Variants in POFUT2 observed in about 807,000 individuals in gnomAD.
POFUT2 encodes the protein protein O-fucosyltransferase 2.
POFUT2 carries 30 observed loss-of-function variants against 55.0 expected under a neutral mutation model. The ratio of observed to expected loss-of-function variants is 0.55; its 90% confidence interval spans 0.41 to 0.74. POFUT2 has a LOEUF of 0.74. Ranked by LOEUF, POFUT2 falls within the 30% of genes least tolerant of loss-of-function variation. The pLI is 0.00. For missense variants in POFUT2, 524 were observed against 562.6 expected, an observed-to-expected ratio of 0.93 and a Z score of 0.69; for synonymous variants, 267 against 231.1, an observed-to-expected ratio of 1.16 and a Z score of -1.41.
rs1471904394 is a variant in POFUT2, at chr21:45,285,697, C to T, written c.363G>A (p.Glu121=). 1.2e-6 allele frequency: 2 copies of T among 1,613,810 alleles called. No homozygotes were observed. The highest frequency in any genetic ancestry group is 1.7e-6 in the Non-Finnish European group (2 of 1,180,022). ...CCTCACCTGCGATGAACTGCTCATACTCGATGACGGGGATGTTTTTATTGA... is the reference window on the plus strand; with the variant it reads ...CCTCACCTGCGATGAACTGCTCATATTCGATGACGGGGATGTTTTTATTGA... ...PSLNKNIPVI[E]YEQFIAESGG... is the part of the protein sequence containing the mutation. Residue 121 remains glutamate, a synonymous_variant, in exon 2 of 9, where the codon GAG becomes GAA. Coordinates refer to ENST00000349485, the MANE Select transcript of POFUT2 (RefSeq NM_133635.6). This position sits in a 1 kb window ranked among gnomAD's most constrained non-coding sequence, Gnocchi z 4.9.
rs1357441610 is a variant in POFUT2 at position 45,270,088 on chromosome 21, G to A, written c.832-69C>T. ...TCGGGGCTCATCCTGGGCACCGGGT[G>A]GGACTCGAGACGCAGAGGGATGACC... On this transcript the variant is annotated intron_variant, in intron 6 of 8. Transcript: ENST00000349485. This position sits in a 1 kb window ranked among gnomAD's most constrained non-coding sequence, Gnocchi z 4.6. 1.5e-6 allele frequency: 2 copies of A among 1,317,558 alleles called. No individual in the cohort carries two copies. The highest frequency in any genetic ancestry group is 5.5e-5 in the Admixed American group (2 of 36,664). The allele number at this position is 1,317,558 out of a possible 1,614,324, so 81.6% of individuals were successfully genotyped here.
Position 45,276,896 on chromosome 21 carries a change from C to G in POFUT2, c.831+121G>C, listed in dbSNP as rs937063615. ...TGTGACTCACATTCCAGAGAGGCGCCGAGGCATCCACGCCCACAGACACGC... is the reference window on the plus strand; with the variant it reads ...TGTGACTCACATTCCAGAGAGGCGCGGAGGCATCCACGCCCACAGACACGC... On this transcript the variant is annotated intron_variant, in intron 6 of 8. Coordinates refer to ENST00000349485, the MANE Select transcript of POFUT2 (RefSeq NM_133635.6). 1.5e-5 allele frequency: 16 copies of G among 1,087,598 alleles called. No homozygotes were observed. The African/African-American group carries it at 2.5e-4, about 17-fold the overall frequency. The allele number at this position is 1,087,598 out of a possible 1,614,324, so 67.4% of individuals were successfully genotyped here.
At position 45,264,284 on chromosome 21, in the gene POFUT2, C is replaced by T. The variant is rs907621274; in HGVS notation, c.*1198G>A. The T allele has an allele frequency of 6.6e-6, 1 of 152,208 alleles. No homozygotes were observed. Among genetic ancestry groups the T allele is most frequent in the African/African-American group, 2.4e-5 (1 of 41,446 alleles). 9.4% of individuals were successfully genotyped at this position (152,208 alleles called of 1,614,324 possible). A position where few individuals can be genotyped will look rare whatever the true frequency, so the allele number is the denominator to read the frequency against. On this transcript the variant is annotated 3_prime_UTR_variant, in exon 9 of 9. Transcript: ENST00000349485. ...CTAGCAGATGTGGAAAGTGGCTGCT[C>T]AGTGAGGACTCAGCCCCCACCAACC...
At position 45,265,660 on chromosome 21, in the gene POFUT2, GAGTCAGGGA is replaced by G; in HGVS notation, c.1137-34_1137-26del. Reference sequence around the variant, plus strand: ...CCTGCAAAGGATCACAGAGGTTCCAGAGTCAGGGAGAACTGGCGTCACAGAGGTTCCAGA... The same window carrying G: ...CCTGCAAAGGATCACAGAGGTTCCAGGAACTGGCGTCACAGAGGTTCCAGA... On this transcript the variant is annotated intron_variant, in intron 8 of 8. Coordinates refer to ENST00000349485, the MANE Select transcript of POFUT2 (RefSeq NM_133635.6). The surrounding 1 kb of genome is among the most constrained non-coding windows in gnomAD (Gnocchi z 4.6). 5.1e-6 allele frequency: 4 copies of G among 782,864 alleles called. No homozygotes were observed. The highest frequency in any genetic ancestry group is 6.8e-6 in the Non-Finnish European group (4 of 586,216). 48.5% of individuals were successfully genotyped at this position (782,864 alleles called of 1,614,324 possible).
rs575442832 is a variant in POFUT2 at position 45,276,304 on chromosome 21, A to G, written c.831+713T>C. On this transcript the variant is annotated intron_variant, in intron 6 of 8. Coordinates refer to ENST00000349485, the MANE Select transcript of POFUT2 (RefSeq NM_133635.6). Reference sequence around the variant, plus strand: ...ATAAAAATGAAAAAAAATCTTCTATATTTTTTCCCCAGTAAAAACTGTCCA... The same window carrying G: ...ATAAAAATGAAAAAAAATCTTCTATGTTTTTTCCCCAGTAAAAACTGTCCA... Among the ~76,000 whole-genome samples, 3 of 152,140 alleles carry G rather than the reference A, an allele frequency of 2.0e-5. No individual in the cohort carries two copies. In the South Asian group the frequency reaches 6.2e-4, roughly 32 times the overall value.
At chr21:45,266,030 G>T in intron 8 of POFUT2, 1 of 1,222,268 alleles carries the variant, frequency 8.2e-7, no homozygotes, top group Non-Finnish European at 1.0e-6. Flanking sequence ...ACCACACACT[G>T]TCTAGCCAGG....
intron 1 of POFUT2, among the ~76,000 whole-genome samples, chr21:45,287,070 C>T (rs1163203533): frequency 6.6e-6 from 1 of 151,988 alleles, no homozygotes; most frequent in Non-Finnish European, 1.5e-5. Context: ...GCGCCCCGGG[C>T]CTCGCAGACG....
chr21:45,285,565 G>T lies in POFUT2; in HGVS notation c.382+113C>A. 7.6e-7 allele frequency: 1 copy of T among 1,312,470 alleles called. No individual in the cohort carries two copies. The highest frequency in any genetic ancestry group is 2.4e-5 in the East Asian group (1 of 42,314). 81.3% of individuals were successfully genotyped at this position (1,312,470 alleles called of 1,614,324 possible). On this transcript the variant is annotated intron_variant, in intron 2 of 8. Coordinates refer to ENST00000349485, the MANE Select transcript of POFUT2 (RefSeq NM_133635.6). This position sits in a 1 kb window ranked among gnomAD's most constrained non-coding sequence, Gnocchi z 4.9. ...TCAGGCAGCAGCACTGGGCACTGGA[G>T]GATGCTGGTGAGGCTGGATGCAATC...
Position 45,285,517 on chromosome 21 carries a change from C to T in POFUT2, c.382+161G>A, listed in dbSNP as rs768883463. 2.5e-5 allele frequency: 20 copies of T among 801,218 alleles called. No homozygotes were observed. The highest frequency in any genetic ancestry group is 8.5e-5 in the African/African-American group (5 of 59,156). The allele number at this position is 801,218 out of a possible 1,614,324, so 49.6% of individuals were successfully genotyped here. On this transcript the variant is annotated intron_variant, in intron 2 of 8. Transcript: ENST00000349485. This position sits in a 1 kb window ranked among gnomAD's most constrained non-coding sequence, Gnocchi z 4.9. ...GTGGGAAAGGGACTGTGCTCCTGAA[C>T]GGAGGAGGTGCTGCCACAGGCCTCA...
At chr21:45,287,210 C>CCCCTGCCCCTGT (rs2031520619) in intron 1 of POFUT2, among the ~76,000 whole-genome samples, 1 of 131,630 alleles carries the variant, frequency 7.6e-6, no homozygotes, top group South Asian at 2.7e-4. Flanking sequence ...CCTGCCCCTG[C>CCCCTGCCCCTGT]CCCTGCCCCT....
In POFUT2 at chr21:45,277,132, C is replaced by CG; in HGVS notation, c.715_716insC (p.Ser239ThrfsTer102). The CG allele has an allele frequency of 6.2e-7, 1 of 1,613,544 alleles. No homozygotes were observed. Reference sequence around the variant, plus strand: ...CCGCAGGTGCCTGGCAAACACCATGCTGCGACGGGTCTGTGGAAACGGCGA... The same window carrying CG: ...CCGCAGGTGCCTGGCAAACACCATGCGTGCGACGGGTCTGTGGAAACGGCGA... On this transcript the variant is annotated frameshift_variant, in exon 6 of 9. Transcript: ENST00000349485. LOFTEE classifies it high-confidence loss of function. This position sits in a 1 kb window ranked among gnomAD's most constrained non-coding sequence, Gnocchi z 6.9.
At chr21:45,271,411 C>T (rs2093218876) in intron 6 of POFUT2, among the ~76,000 whole-genome samples, 1 of 152,110 alleles carries the variant, frequency 6.6e-6, no homozygotes, top group South Asian at 2.1e-4. Flanking sequence ...TGTTAAACAA[C>T]CAAACCTAAG....
In POFUT2 at chr21:45,277,901, T is replaced by A; in HGVS notation, c.705+202A>T. The A allele has an allele frequency of 1.6e-6, 1 of 615,156 alleles. No homozygotes were observed. The highest frequency in any genetic ancestry group is 2.7e-5 in the East Asian group (1 of 36,366). The allele number at this position is 615,156 out of a possible 1,614,324, so 38.1% of individuals were successfully genotyped here. A position where few individuals can be genotyped will look rare whatever the true frequency, so the allele number is the denominator to read the frequency against. On this transcript the variant is annotated intron_variant, in intron 5 of 8. Coordinates refer to ENST00000349485, the MANE Select transcript of POFUT2 (RefSeq NM_133635.6). This position sits in a 1 kb window ranked among gnomAD's most constrained non-coding sequence, Gnocchi z 6.9. ...ATCAGAGGGGAGAGCTGGGTGGCCC[T>A]GCGGGCTCCCGAGGACCTGGCTCTG...
At chr21:45,275,244 T>C (rs2146598852) in intron 6 of POFUT2, among the ~76,000 whole-genome samples, 1 of 152,288 alleles carries the variant, frequency 6.6e-6, no homozygotes, top group African/African-American at 2.4e-5. Flanking sequence ...CCTGCAAGAA[T>C]GGCCATAATT....
chr21:45,276,219 A>G (rs1354762008), intron 6 of POFUT2, among the ~76,000 whole-genome samples: 2 of 147,692 alleles, frequency 1.4e-5, no homozygotes, highest in East Asian at 2.0e-4. Context: ...TTAATTAAAT[A>G]AAATTAAAAA....
rs190417602 is a variant in POFUT2 at position 45,267,965 on chromosome 21, G to C, written c.1013-252C>G. On this transcript the variant is annotated intron_variant, in intron 7 of 8. Coordinates refer to ENST00000349485, the MANE Select transcript of POFUT2 (RefSeq NM_133635.6). The surrounding 1 kb of genome is among the most constrained non-coding windows in gnomAD (Gnocchi z 4.4). ...GGGATCAAGAAGAAAGGAAAGAAAC[G>C]TGCTCCCTCTCCCTCTCCTTCTCCC... Among the ~76,000 whole-genome samples, 1 of 152,010 alleles carries C rather than the reference G, an allele frequency of 6.6e-6. No homozygotes were observed. Among genetic ancestry groups the C allele is most frequent in the East Asian group, 1.9e-4 (1 of 5,148 alleles).
In POFUT2 at chr21:45,282,888, G is replaced by A. The variant is rs777911212; in HGVS notation, c.528-429C>T. On this transcript the variant is annotated intron_variant, in intron 3 of 8. Transcript: ENST00000349485. The surrounding 1 kb of genome is among the most constrained non-coding windows in gnomAD (Gnocchi z 4.6). ...GCTTTTCCACAGGAGGCCTGGTAGT[G>A]TCAGAGCCTTTAATGGCAATCGACA... The A allele has an allele frequency of 4.0e-5, 19 of 475,924 alleles. No individual in the cohort carries two copies. The highest frequency in any genetic ancestry group is 1.9e-4 in the Admixed American group (8 of 42,698). The allele number at this position is 475,924 out of a possible 1,614,324, so 29.5% of individuals were successfully genotyped here.
In POFUT2 at chr21:45,269,928, C is replaced by G; in HGVS notation, c.923G>C (p.Ser308Thr). The G allele has an allele frequency of 6.2e-7, 1 of 1,609,574 alleles. No homozygotes were observed. The highest frequency in any genetic ancestry group is 8.5e-7 in the Non-Finnish European group (1 of 1,178,708). The change falls in exon 7 of 9, where the codon AGT becomes ACT. Residue 308 changes from serine to threonine, a missense_variant. By Grantham distance (58) the Ser-to-Thr change is moderately conservative. This residue lies in a region of POFUT2 where 250 missense variants were observed against 318.2 expected (regional missense o/e 0.79). Transcript: ENST00000349485. Reference sequence around the variant, plus strand: ...GATCTTCCTCACGGCCCCTTCCAGACTGGGTACATCCTGTCTGTGACCCCA... The same window carrying G: ...GATCTTCCTCACGGCCCCTTCCAGAGTGGGTACATCCTGTCTGTGACCCCA... ...FIWGHRQDVP[S>T]LEGAVRKIRS...
At chr21:45,266,413 G>A (rs905842158) in intron 8 of POFUT2, 4 of 1,198,714 alleles carry the variant, frequency 3.3e-6, no homozygotes, top group Non-Finnish European at 4.2e-6. Flanking sequence ...CCGGCCCGGA[G>A]GCAGGGCAGC....
Sources: gnomAD v4.1 joint callset for allele counts (sites outside exome capture counted in the v4.1 genomes callset) on GRCh38, gnomAD v4.1.1 for gene constraint, gnomAD v4.1.1 regional missense constraint, Gnocchi (gnomAD v3.1) non-coding constraint, MANE v1.5 for transcripts, NCBI Gene and HGNC (gene_info 2026-07-23, HGNC 2026-07-21) for gene names.